ANAPC13: variants seen among roughly 807,000 people sequenced by gnomAD.
ANAPC13 encodes anaphase promoting complex subunit 13.
A neutral mutation model predicts 9.6 loss-of-function variants in ANAPC13; 9 were observed. That is an observed-to-expected ratio of 0.94 (90% CI 0.57 to 1.64). The LOEUF is 1.64. ANAPC13 is among the 40% of genes most tolerant of loss of function. ANAPC13 has a pLI of 0.00. For synonymous variants in ANAPC13, 30 were observed against 29.7 expected (o/e 1.01, Z -0.03); for missense variants, 75 against 85.3 (o/e 0.88, Z 0.48).
chr3:134,485,991 G>GCCCCCCCCCCCCCC (rs5852785), upstream of ANAPC13: 8 of 940,612 alleles, frequency 8.5e-6, no homozygotes, highest in African/African-American at 1.1e-4. Flanking sequence ...CTCCTGCCAC[G>GCCCCCCCCCCCCCC]CCCCCCCCCC....
intron 2 of ANAPC13, among the ~76,000 whole-genome samples, chr3:134,479,430 C>T (rs368820455): frequency 3.7e-4 from 56 of 152,158 alleles, no homozygotes; most frequent in African/African-American, 1.3e-3. Context: ...CTCTGCCTCC[C>T]GGGTTCAAGC....
Position 134,482,811 on chromosome 3 carries a change from G to C in ANAPC13, c.94C>G (p.Pro32Ala), listed in dbSNP as rs1191663171. ...CAGCTCAAATCATAACCTACCAGTG[G>C]TATTGCGACATCCTCATAAGGCAGC... ...DKLPYEDVAI[P>A]LNELPEPEQD... Residue 32 changes from proline (P) to alanine (A), a missense_variant, in exon 2 of 3, where the codon CCA becomes GCA. Coordinates refer to ENST00000354910, the MANE Select transcript of ANAPC13 (RefSeq NM_015391.4). The C allele has an allele frequency of 6.2e-7, 1 of 1,613,584 alleles. No homozygotes were observed. Among genetic ancestry groups the C allele is most frequent in the African/African-American group, 1.3e-5 (1 of 74,874 alleles).
At position 134,478,628 on chromosome 3, in the gene ANAPC13, G is replaced by A; in HGVS notation, c.187C>T (p.Gln63Ter). The change falls in exon 3 of 3, where the codon CAG becomes TAG. Residue 63 changes from glutamine to a stop codon, truncating the protein, a stop_gained. Transcript: ENST00000354910. LOFTEE classifies it high-confidence loss of function. The stretch of plus-strand genomic sequence containing the variant: ...GGGGGAACATTCTCATGGAGGTACT[G>A]TAAGGCTAAGTCTGTCCACTTCATT... The part of the protein sequence containing the change: ...QEMKWTDLAL[Q>*]YLHENVPPIG... 1.2e-6 allele frequency: 2 copies of A among 1,614,140 alleles called. No homozygotes were observed. The highest frequency in any genetic ancestry group is 1.3e-5 in the African/African-American group (1 of 75,060).
Position 134,485,959 on chromosome 3 carries a change from C to A in ANAPC13, c.-35G>T. 1 of 980,254 alleles carries A rather than the reference C, an allele frequency of 1.0e-6. No individual in the cohort carries two copies. The highest frequency in any genetic ancestry group is 1.2e-6 in the Non-Finnish European group (1 of 828,278). The allele number at this position is 980,254 out of a possible 1,614,324, so 60.7% of individuals were successfully genotyped here. The stretch of plus-strand genomic sequence containing the variant: ...GGCGCTGGAAACCCTTACCGGCACC[C>A]GGCCACCGCGGCAGACGCTTGCTCC... On this transcript the variant is annotated 5_prime_UTR_variant, in exon 1 of 3. Transcript: ENST00000354910.
At chr3:134,481,006 C>A (rs1934722232) in intron 2 of ANAPC13, among the ~76,000 whole-genome samples, 1 of 152,194 alleles carries the variant, frequency 6.6e-6, no homozygotes, top group South Asian at 2.1e-4. Context: ...AAACCTCCTT[C>A]CACCCCTGCC....
chr3:134,478,743 C>G, intron 2 of ANAPC13, 28 bp from the exon 3 acceptor site: 4 of 1,612,798 alleles, frequency 2.5e-6, no homozygotes, highest in East Asian at 2.2e-5. Flanking sequence ...AAATTCAGAA[C>G]AGTAATATAT....
At chr3:134,484,583 G>T (rs950113592) in intron 1 of ANAPC13, among the ~76,000 whole-genome samples, 1 of 152,156 alleles carries the variant, frequency 6.6e-6, no homozygotes, top group Non-Finnish European at 1.5e-5. Context: ...CCAGGTGAGG[G>T]CTTAATTAAT....
intron 2 of ANAPC13, among the ~76,000 whole-genome samples, chr3:134,478,997 A>G (rs934719767): frequency 6.6e-6 from 1 of 152,234 alleles, no homozygotes; most frequent in African/African-American, 2.4e-5. Flanking sequence ...TTGGAAGCCA[A>G]CTAGGATCCA....
At position 134,478,367 on chromosome 3, in the gene ANAPC13, T is replaced by G; in HGVS notation, c.*223A>C. 2 of 531,146 alleles carry G rather than the reference T, an allele frequency of 3.8e-6. No individual in the cohort carries two copies. Among genetic ancestry groups the G allele is most frequent in the Non-Finnish European group, 6.5e-6 (2 of 309,122 alleles). 32.9% of individuals were successfully genotyped at this position (531,146 alleles called of 1,614,324 possible). A position where few individuals can be genotyped will look rare whatever the true frequency, so the allele number is the denominator to read the frequency against. ...TAACCAATCATGTTCAAATATAAGC[T>G]ACTCAATGAAGAGTTTTAGGTTTAA... On this transcript the variant is annotated 3_prime_UTR_variant, in exon 3 of 3. Coordinates refer to ENST00000354910, the MANE Select transcript of ANAPC13 (RefSeq NM_015391.4).
rs1934659542 is a variant in ANAPC13, at chr3:134,478,441, T to A, written c.*149A>T. 1 of 1,008,316 alleles carries A rather than the reference T, an allele frequency of 9.9e-7. No homozygotes were observed. Among genetic ancestry groups the A allele is most frequent in the African/African-American group, 1.6e-5 (1 of 61,292 alleles). 62.5% of individuals were successfully genotyped at this position (1,008,316 alleles called of 1,614,324 possible). ...GAGAAATCTCAGTTTCTCATTCAATTTCGCATTGCACTTTGCTACCACAAA... is the reference window on the plus strand; with the variant it reads ...GAGAAATCTCAGTTTCTCATTCAATATCGCATTGCACTTTGCTACCACAAA... On this transcript the variant is annotated 3_prime_UTR_variant, in exon 3 of 3. Transcript: ENST00000354910.
Position 134,478,531 on chromosome 3 carries a change from C to A in ANAPC13, c.*59G>T. On this transcript the variant is annotated 3_prime_UTR_variant, in exon 3 of 3. Transcript: ENST00000354910. The stretch of plus-strand genomic sequence containing the variant: ...AAAGGTTTGAATTTGGAGACTGAAA[C>A]AAACCATGCTTTATCTGTGTACTTT... 6.4e-7 allele frequency: 1 copy of A among 1,565,938 alleles called. No homozygotes were observed.
At chr3:134,482,532 C>G (rs578252137) in intron 2 of ANAPC13, among the ~76,000 whole-genome samples, 1 of 152,074 alleles carries the variant, frequency 6.6e-6, no homozygotes, top group Non-Finnish European at 1.5e-5. Flanking sequence ...TTTGGTTTCT[C>G]TGGTTTTCGT....
Position 134,478,683 on chromosome 3 carries a change from A to C in ANAPC13, c.132T>G (p.Gly44=), listed in dbSNP as rs371589483. The part of the protein sequence containing the change: ...NELPEPEQDN[G]GTTESVKEQE... ...GTTCTTTGACAGATTCTGTGGTGCC[A>C]CCATTGTCTTGTTCAGGTTCAGGAA... is the stretch of plus-strand genomic sequence containing the variant. The change falls in exon 3 of 3, where the codon GGT becomes GGG. Residue 44 remains glycine, a synonymous_variant. Transcript: ENST00000354910. 1.7e-5 allele frequency: 28 copies of C among 1,614,048 alleles called. No homozygotes were observed. Among genetic ancestry groups the C allele is most frequent in the Non-Finnish European group, 2.1e-5 (25 of 1,180,026 alleles).
rs1934847416 is a variant in ANAPC13, at chr3:134,484,154, G to A, written c.-27-1223C>T. Among the ~76,000 whole-genome samples the A allele has an allele frequency of 2.6e-5, 4 of 151,590 alleles. No homozygotes were observed. In the South Asian group the frequency reaches 8.3e-4, roughly 31 times the overall value. On this transcript the variant is annotated intron_variant, in intron 1 of 2. Transcript: ENST00000354910. ...CCAGCACTTTGGGAGACCGAGGTGG[G>A]CGGATCACGAGGTCAGGAGATCAAC...
At chr3:134,484,493 G>A (rs1934905958) in intron 1 of ANAPC13, among the ~76,000 whole-genome samples, 1 of 152,186 alleles carries the variant, frequency 6.6e-6, no homozygotes, top group Non-Finnish European at 1.5e-5. Context: ...GATTGGTGTG[G>A]GAAAGGGTTT....
rs1156693033 is a variant in ANAPC13 at position 134,477,949 on chromosome 3, A to C, written c.*641T>G. On this transcript the variant is annotated 3_prime_UTR_variant, in exon 3 of 3. Coordinates refer to ENST00000354910, the MANE Select transcript of ANAPC13 (RefSeq NM_015391.4). Reference sequence around the variant, plus strand: ...TGGTTGTAACTGAAAGGGCTTTGAGAAAAGGCTTTGAATAAAACTAGTCAT... The same window carrying C: ...TGGTTGTAACTGAAAGGGCTTTGAGCAAAGGCTTTGAATAAAACTAGTCAT... 1 of 152,250 alleles carries C rather than the reference A, an allele frequency of 6.6e-6. No homozygotes were observed. Among genetic ancestry groups the C allele is most frequent in the Admixed American group, 6.5e-5 (1 of 15,288 alleles). The allele number at this position is 152,250 out of a possible 1,614,324, so 9.4% of individuals were successfully genotyped here. A position where few individuals can be genotyped will look rare whatever the true frequency, so the allele number is the denominator to read the frequency against.
intron 2 of ANAPC13, among the ~76,000 whole-genome samples, chr3:134,481,280 A>C (rs940172257): frequency 6.6e-6 from 1 of 152,216 alleles, no homozygotes; most frequent in Non-Finnish European, 1.5e-5. Context: ...GTGTGATATC[A>C]AATACCACTC....
intron 2 of ANAPC13, among the ~76,000 whole-genome samples, chr3:134,480,259 A>G (rs370627310): frequency 1.3e-5 from 2 of 152,254 alleles, no homozygotes; most frequent in East Asian, 1.9e-4. Flanking sequence ...TTTAATTCAG[A>G]AGCAGACAAC....
At chr3:134,480,022 C>T (rs1207432291) in intron 2 of ANAPC13, among the ~76,000 whole-genome samples, 2 of 152,102 alleles carry the variant, frequency 1.3e-5, no homozygotes, top group Non-Finnish European at 2.9e-5. Context: ...AATATGTTTT[C>T]CCCTCTAAAA....
Sources: allele counts gnomAD v4.1 joint callset (sites outside exome capture counted in the v4.1 genomes callset), GRCh38; gene constraint gnomAD v4.1.1; transcripts MANE v1.5; gene names NCBI Gene and HGNC (gene_info 2026-07-23, HGNC 2026-07-21).